PITHD1: variants seen among roughly 807,000 people sequenced by gnomAD.
PITHD1 encodes PITH domain containing 1.
A neutral mutation model predicts 27.5 loss-of-function variants in PITHD1; 8 were observed. The ratio of observed to expected loss-of-function variants is 0.29; its 90% CI spans 0.17 to 0.52. PITHD1 has a LOEUF of 0.52. PITHD1 is among the 20% of genes least tolerant of loss of function. The probability of loss-of-function intolerance (pLI) is 0.96; values close to 1 mark genes in which losing one functional copy is unlikely to be tolerated. For missense variants in PITHD1, 233 were observed against 283.9 expected (o/e 0.82, Z 1.29); for synonymous variants, 118 against 106.8 (o/e 1.10, Z -0.64).
At chr1:23,780,084 A>G (rs1557465605) in intron 3 of PITHD1, 143 bp downstream of exon 3, 17 of 614,348 alleles carry the variant, frequency 2.8e-5, no homozygotes, top group Non-Finnish European at 3.8e-5. Context: ...CTCATTCTGC[A>G]TTGGAATACA....
intron 3 of PITHD1, among the ~76,000 whole-genome samples, chr1:23,782,405 C>T (rs1638615144): frequency 6.7e-6 from 1 of 149,390 alleles, no homozygotes; most frequent in Non-Finnish European, 1.5e-5. Context: ...TGTGACAGTG[C>T]AAGACTCTGT....
At chr1:23,784,753 G>A (rs191554495) in intron 3 of PITHD1, among the ~76,000 whole-genome samples, 11 of 152,270 alleles carry the variant, frequency 7.2e-5, no homozygotes, top group Non-Finnish European at 2.9e-5. Context: ...GAGTCTCTCT[G>A]TCACCCAGGC....
chr1:23,779,330 ACT>A, intron 1 of PITHD1, 106 bp from the exon 2 acceptor site: 1 of 829,786 alleles, frequency 1.2e-6, no homozygotes, highest in Non-Finnish European at 2.0e-6. Context: ...AGGGAGAGTG[ACT>A]CTTCCCATTG....
At chr1:23,780,746 G>C (rs968513126) in intron 3 of PITHD1, among the ~76,000 whole-genome samples, 1 of 151,652 alleles carries the variant, frequency 6.6e-6, no homozygotes, top group East Asian at 1.9e-4. Context: ...CTGGTGGTGC[G>C]TGCCTGTAAT....
intron 2 of PITHD1, 154 bp from the exon 3 acceptor site, chr1:23,779,710 T>C: frequency 1.5e-6 from 1 of 674,480 alleles, no homozygotes; most frequent in Non-Finnish European, 2.7e-6. Flanking sequence ...AATTGTAGAA[T>C]GCTAGAGGTA....
intron 3 of PITHD1, among the ~76,000 whole-genome samples, chr1:23,783,400 C>CGT (rs1638635961): frequency 7.5e-6 from 1 of 133,202 alleles, no homozygotes; most frequent in Admixed American, 7.5e-5. Flanking sequence ...CATATATACG[C>CGT]ATATATACAC....
Position 23,778,677 on chromosome 1 carries a change from C to T in PITHD1, c.162C>T (p.Val54=). ...GCCGCGAGGGCAGCGGCCGCGGCGTCTTCAAGCCGTGGGAGGAGCGGACCG... is the reference window on the plus strand; with the variant it reads ...GCCGCGAGGGCAGCGGCCGCGGCGTTTTCAAGCCGTGGGAGGAGCGGACCG... ...NESREGSGRG[V]FKPWEERTDR... is the part of the protein sequence containing the mutation. The change falls in exon 1 of 6, where the codon GTC becomes GTT. Residue 54 remains valine (V), a synonymous_variant. Coordinates refer to ENST00000246151, the MANE Select transcript of PITHD1 (RefSeq NM_020362.5). 1 of 1,316,000 alleles carries T rather than the reference C, an allele frequency of 7.6e-7. No individual in the cohort carries two copies. The highest frequency in any genetic ancestry group is 1.5e-5 in the African/African-American group (1 of 65,658). The allele number at this position is 1,316,000 out of a possible 1,614,324, so 81.5% of individuals were successfully genotyped here. A position where few individuals can be genotyped will look rare whatever the true frequency, so the allele number is the denominator to read the frequency against.
chr1:23,779,438 T>C lies in PITHD1; in HGVS notation c.199T>C (p.Phe67Leu). ...CCTCCCCCCTCCCCATCCCCTCCAG[T>C]TTGTTGAAAGTGATGCAGATGAAGA... ...PWEERTDRSK[F>L]VESDADEELL... The change falls in exon 2 of 6, where the codon TTT becomes CTT. Residue 67 changes from phenylalanine (F) to leucine (L), a missense_variant and splice_region_variant. Coordinates refer to ENST00000246151, the MANE Select transcript of PITHD1 (RefSeq NM_020362.5). 6.4e-7 allele frequency: 1 copy of C among 1,564,542 alleles called. No homozygotes were observed. Among genetic ancestry groups the C allele is most frequent in the South Asian group, 1.1e-5 (1 of 90,120 alleles).
At chr1:23,780,361 C>T (rs1342538572) in intron 3 of PITHD1, among the ~76,000 whole-genome samples, 3 of 152,134 alleles carry the variant, frequency 2.0e-5, no homozygotes, top group Non-Finnish European at 1.5e-5. Flanking sequence ...AATTGCTCCA[C>T]CTGACTTTGC....
At position 23,782,271 on chromosome 1, in the gene PITHD1, T is replaced by C. The variant is rs188477609; in HGVS notation, c.320+2330T>C. Among the ~76,000 whole-genome samples, 15 of 151,868 alleles carry C rather than the reference T, an allele frequency of 9.9e-5. 1 individual carries two copies. Among genetic ancestry groups the C allele is most frequent in the Middle Eastern group, 6.8e-3 (2 of 294 alleles). ...CTGTCTCTACTAAAAACACAAGAAT[T>C]AGCCAGTCATGGTGGCAGTCGCCTG... On this transcript the variant is annotated intron_variant, in intron 3 of 5. Coordinates refer to ENST00000246151, the MANE Select transcript of PITHD1 (RefSeq NM_020362.5).
At chr1:23,778,975 G>A (rs768571199) in intron 1 of PITHD1, among the ~76,000 whole-genome samples, 21 of 152,214 alleles carry the variant, frequency 1.4e-4, no homozygotes, top group Non-Finnish European at 2.9e-4. Flanking sequence ...GTGGGCTAGA[G>A]AGGATGGTCG....
At chr1:23,781,925 C>T (rs758264927) in intron 3 of PITHD1, among the ~76,000 whole-genome samples, 1 of 151,936 alleles carries the variant, frequency 6.6e-6, no homozygotes, top group Non-Finnish European at 1.5e-5. Flanking sequence ...AATACATAGC[C>T]CTCAGTTCTA....
At chr1:23,781,138 G>A (rs59227053) in intron 3 of PITHD1, among the ~76,000 whole-genome samples, 4,755 of 151,398 alleles carry the variant, frequency 0.031, 228 homozygotes, top group African/African-American at 0.11. Flanking sequence ...CAGTGAGCCA[G>A]GATCGTGCCA....
Position 23,779,922 on chromosome 1 carries a change from C to T in PITHD1, c.301C>T (p.His101Tyr). The change falls in exon 3 of 6, where the codon CAC becomes TAC. Residue 101 changes from histidine to tyrosine, a missense_variant. Transcript: ENST00000246151. Reference protein sequence around the residue: ...IIIMGEDDDSHPSEMRLYKNI... With the variant: ...IIIMGEDDDSYPSEMRLYKNI... The stretch of plus-strand genomic sequence containing the variant: ...TATAATGGGAGAGGATGATGACTCA[C>T]ACCCCTCTGAGATGAGACTGTAAGT... The T allele has an allele frequency of 6.2e-7, 1 of 1,611,628 alleles. No individual in the cohort carries two copies. Among genetic ancestry groups the T allele is most frequent in the Non-Finnish European group, 8.5e-7 (1 of 1,177,728 alleles).
intron 3 of PITHD1, among the ~76,000 whole-genome samples, chr1:23,783,379 G>GCA (rs1557467160): frequency 7.9e-6 from 1 of 126,488 alleles, no homozygotes; most frequent in African/African-American, 3.0e-5. Context: ...ACACATATAT[G>GCA]TGTATATATA....
intron 3 of PITHD1, among the ~76,000 whole-genome samples, chr1:23,781,983 T>G (rs945044745): frequency 1.3e-5 from 2 of 152,250 alleles, no homozygotes; most frequent in Non-Finnish European, 2.9e-5. Flanking sequence ...TGTCATTGAT[T>G]GTAAAATGTA....
chr1:23,778,454 G>GGGAGC lies in PITHD1; in HGVS notation c.-62_-61insGGAGC. On this transcript the variant is annotated 5_prime_UTR_variant, in exon 1 of 6. Coordinates refer to ENST00000246151, the MANE Select transcript of PITHD1 (RefSeq NM_020362.5). ...CTGAACGGCGCGGAGCTGGTCTGAG[G>GGGAGC]CGAGCCGAGCCGAGCGAGCGCGGCG... is the stretch of plus-strand genomic sequence containing the variant. The GGGAGC allele has an allele frequency of 2.5e-6, 3 of 1,220,610 alleles. No homozygotes were observed. The South Asian group carries it at 6.7e-5, about 27-fold the overall frequency. 75.6% of individuals were successfully genotyped at this position (1,220,610 alleles called of 1,614,324 possible).
At chr1:23,780,722 A>G (rs1444472263) in intron 3 of PITHD1, among the ~76,000 whole-genome samples, 2 of 151,770 alleles carry the variant, frequency 1.3e-5, no homozygotes, top group African/African-American at 4.8e-5. Context: ...TAAAAAAACA[A>G]AAATTAGCTG....
chr1:23,778,764 C>T (rs1366829670), intron 1 of PITHD1, 51 bp downstream of exon 1: 6 of 1,064,308 alleles, frequency 5.6e-6, no homozygotes, highest in East Asian at 6.5e-5. Context: ...TGTGGGGCCT[C>T]GGGCCGTCGG....
Sources: allele counts gnomAD v4.1 joint callset (sites outside exome capture counted in the v4.1 genomes callset), GRCh38; gene constraint gnomAD v4.1.1; transcripts MANE v1.5; gene names NCBI Gene and HGNC (gene_info 2026-07-23, HGNC 2026-07-21).